ATXN7: variants seen among roughly 807,000 people sequenced by gnomAD.
ATXN7 encodes ataxin-7.
Under a neutral mutation model 70.5 loss-of-function variants are expected in ATXN7, and 12 were observed. The ratio of observed to expected loss-of-function variants is 0.17; its 90% CI spans 0.11 to 0.28. The LOEUF is 0.28. Ranked by LOEUF, ATXN7 falls within the 10% of genes least tolerant of loss-of-function variation. ATXN7 has a pLI of 1.00. For missense variants in ATXN7, 1,256 were observed against 1,131.7 expected, an observed-to-expected ratio of 1.11 and a Z score of -1.58; for synonymous variants, 498 against 448.7, an observed-to-expected ratio of 1.11 and a Z score of -1.39.
intron 12 of ATXN7, 110 bp downstream of exon 12, chr3:63,996,593 A>C: frequency 1.2e-6 from 1 of 845,004 alleles, no homozygotes; most frequent in Non-Finnish European, 1.8e-6. Flanking sequence ...TTGTAAACAG[A>C]TATTCAGCTT....
chr3:63,949,649 C>G (rs1048687236), intron 4 of ATXN7, among the ~76,000 whole-genome samples: 3 of 152,166 alleles, frequency 2.0e-5, no homozygotes, highest in Admixed American at 6.5e-5. Flanking sequence ...CCGCCTTCCT[C>G]GGCCTCCCAA....
chr3:63,995,910 T>TAGC lies in ATXN7; in HGVS notation c.2091_2093dup (p.Ser698dup). On this transcript the variant is annotated inframe_insertion, in exon 12 of 13. Transcript: ENST00000674280. The stretch of plus-strand genomic sequence containing the variant: ...ACAGCACTAACTGTCAAAATGCCAG[T>TAGC]AGCAGTACCAGTGGCGGCTCAGGAA... The TAGC allele has an allele frequency of 6.2e-7, 1 of 1,614,190 alleles. No homozygotes were observed. Among genetic ancestry groups the TAGC allele is most frequent in the Non-Finnish European group, 8.5e-7 (1 of 1,180,032 alleles).
intron 8 of ATXN7, among the ~76,000 whole-genome samples, chr3:63,983,900 T>C (rs1288799731): frequency 2.6e-5 from 4 of 152,182 alleles, no homozygotes; most frequent in Non-Finnish European, 1.5e-5. Flanking sequence ...CTTTGAAGTA[T>C]GTAATTTTAA....
Position 63,995,116 on chromosome 3 carries a change from G to A in ATXN7, c.1683-389G>A, listed in dbSNP as rs532766776. On this transcript the variant is annotated intron_variant, in intron 11 of 12. Transcript: ENST00000674280. ...GGACCACAACGGTAATTAAGCTGGG[G>A]ATGACTCTCTCTGCAGAGGATTTGG... Among the ~76,000 whole-genome samples, 8 of 152,270 alleles carry A rather than the reference G, an allele frequency of 5.3e-5. No individual in the cohort carries two copies. The South Asian group carries it at 1.7e-3, about 32-fold the overall frequency.
At chr3:63,999,257 T>C (rs1025915902) in intron 12 of ATXN7, 193 bp from the exon 13 acceptor site, 4 of 560,298 alleles carry the variant, frequency 7.1e-6, no homozygotes, top group Admixed American at 3.0e-5. Flanking sequence ...TTGCAATGAT[T>C]GTGCCCAGTA....
At chr3:63,912,493 G>A in intron 2 of ATXN7, 95 bp from the exon 3 acceptor site, 5 of 840,342 alleles carry the variant, frequency 5.9e-6, no homozygotes, top group South Asian at 3.7e-5. Flanking sequence ...GCCCCACCCG[G>A]TCCGCGGGCC....
At chr3:63,983,066 G>T in intron 8 of ATXN7, 45 bp downstream of exon 8, 2 of 1,464,388 alleles carry the variant, frequency 1.4e-6, no homozygotes, top group Non-Finnish European at 1.9e-6. Context: ...TGATAAACAT[G>T]GGTGACTGGG....
intron 5 of ATXN7, among the ~76,000 whole-genome samples, chr3:63,977,932 G>A (rs1417191422): frequency 6.6e-6 from 1 of 152,220 alleles, no homozygotes; most frequent in Non-Finnish European, 1.5e-5. Context: ...AAAATAGTTT[G>A]CAGTTGATGA....
chr3:63,998,463 C>T (rs898237825), intron 12 of ATXN7: 3 of 985,300 alleles, frequency 3.0e-6, no homozygotes, highest in Non-Finnish European at 3.6e-6. Flanking sequence ...CATGACCTGC[C>T]ATTTTGCCAC....
chr3:63,939,994 T>C (rs1360082106), intron 4 of ATXN7, among the ~76,000 whole-genome samples: 1 of 151,988 alleles, frequency 6.6e-6, no homozygotes, highest in Non-Finnish European at 1.5e-5. Context: ...GATTCTTCAA[T>C]GTCACAGTTG....
intron 4 of ATXN7, among the ~76,000 whole-genome samples, chr3:63,919,063 T>C (rs1704402164): frequency 6.6e-6 from 1 of 152,190 alleles, no homozygotes; most frequent in South Asian, 2.1e-4. Context: ...GCAGGGACTT[T>C]TCCCCAGTTG....
intron 4 of ATXN7, among the ~76,000 whole-genome samples, chr3:63,951,674 A>G (rs1381168262): frequency 6.6e-6 from 1 of 152,182 alleles, no homozygotes; most frequent in Non-Finnish European, 1.5e-5. Context: ...AGTTACTTTC[A>G]GTTTTCATGT....
intron 1 of ATXN7, among the ~76,000 whole-genome samples, chr3:63,889,704 T>A (rs1251687137): frequency 6.6e-6 from 1 of 152,180 alleles, no homozygotes; most frequent in Admixed American, 6.5e-5. Flanking sequence ...AAATAGAAAG[T>A]GAATCCCAGG....
chr3:63,987,541 A>G (rs1392246430), intron 8 of ATXN7, among the ~76,000 whole-genome samples: 1 of 152,112 alleles, frequency 6.6e-6, no homozygotes, highest in Non-Finnish European at 1.5e-5. Flanking sequence ...TTTGCATGGC[A>G]TTTTCATTGG....
At chr3:63,900,182 G>A (rs1426827266) in intron 2 of ATXN7, among the ~76,000 whole-genome samples, 1 of 152,208 alleles carries the variant, frequency 6.6e-6, no homozygotes, top group Non-Finnish European at 1.5e-5. Context: ...AGTCATTAAA[G>A]ACTGAAACAA....
chr3:63,914,782 A>C (rs1397878194), intron 4 of ATXN7, among the ~76,000 whole-genome samples: 2 of 152,214 alleles, frequency 1.3e-5, no homozygotes, highest in Non-Finnish European at 2.9e-5. Context: ...GACCCAACCA[A>C]ATTAAGGGGA....
At position 63,913,173 on chromosome 3, in the gene ATXN7, A is replaced by G. The variant is rs756779812; in HGVS notation, c.342A>G (p.Glu114=). ...ATCTCCTAGGGACAGAATTGGACGA[A>G]AGTTTCAAGGAGTTTGGGAAAAACC... is the stretch of plus-strand genomic sequence containing the variant. ...LPGKDGTELD[E]SFKEFGKNRE... is the part of the protein sequence containing the mutation. The change falls in exon 4 of 13, where the codon GAA becomes GAG. Residue 114 remains glutamate (E), a synonymous_variant. Transcript: ENST00000674280. The G allele has an allele frequency of 5.0e-6, 8 of 1,613,684 alleles. No individual in the cohort carries two copies. The South Asian group carries it at 8.8e-5, about 18-fold the overall frequency.
At chr3:63,880,755 G>C (rs1702883461) in intron 1 of ATXN7, among the ~76,000 whole-genome samples, 1 of 152,074 alleles carries the variant, frequency 6.6e-6, no homozygotes, top group Non-Finnish European at 1.5e-5. Flanking sequence ...TTTGTTACTT[G>C]CTTTAAAACC....
intron 4 of ATXN7, among the ~76,000 whole-genome samples, chr3:63,918,750 A>G (rs1704388638): frequency 6.6e-6 from 1 of 152,190 alleles, no homozygotes; most frequent in African/African-American, 2.4e-5. Context: ...CAGTACTTGC[A>G]GTCTGCTTAT....
Sources: allele counts gnomAD v4.1 joint callset (sites outside exome capture counted in the v4.1 genomes callset), GRCh38; gene constraint gnomAD v4.1.1; transcripts MANE v1.5; gene names NCBI Gene and HGNC (gene_info 2026-07-23, HGNC 2026-07-21).